Variants in PRIMA1 observed in about 807,000 individuals in gnomAD.
PRIMA1 encodes proline rich membrane anchor 1.
In PRIMA1, 7 loss-of-function variants were observed where a neutral mutation model predicts 17.5. The ratio of observed to expected loss-of-function variants is 0.40; its 90% CI spans 0.23 to 0.75. The LOEUF is 0.75. PRIMA1 is among the 30% of genes least tolerant of loss of function. The pLI, the probability that PRIMA1 is intolerant of heterozygous loss-of-function variation, is 0.37. For missense variants in PRIMA1, 200 were observed against 201.8 expected (o/e 0.99, Z 0.05); for synonymous variants, 97 against 77.9 (o/e 1.25, Z -1.29).
At chr14:93,757,323 C>G (rs1310075067) in intron 3 of PRIMA1, among the ~76,000 whole-genome samples, 1 of 152,192 alleles carries the variant, frequency 6.6e-6, no homozygotes, top group African/African-American at 2.4e-5. Flanking sequence ...CCAGCTCGAG[C>G]TCACACTCCC....
intron 3 of PRIMA1, among the ~76,000 whole-genome samples, chr14:93,770,119 G>A (rs558753327): frequency 5.3e-5 from 8 of 152,210 alleles, no homozygotes; most frequent in East Asian, 1.9e-4. Flanking sequence ...AGACCAGGGC[G>A]TGACACCTCC....
At chr14:93,723,735 A>G (rs1385032111) in intron 4 of PRIMA1, among the ~76,000 whole-genome samples, 3 of 152,082 alleles carry the variant, frequency 2.0e-5, no homozygotes, top group Non-Finnish European at 4.4e-5. Flanking sequence ...GGTCACCTTA[A>G]GAAGCTAGGC....
chr14:93,781,164 A>C (rs1286134790), intron 2 of PRIMA1, among the ~76,000 whole-genome samples: 35 of 152,384 alleles, frequency 2.3e-4, no homozygotes, highest in Non-Finnish European at 1.2e-4. Flanking sequence ...TGTTTTTAAA[A>C]GGCCATTGAC....
chr14:93,759,789 A>G (rs184600518), intron 3 of PRIMA1, among the ~76,000 whole-genome samples: 222 of 152,304 alleles, frequency 1.5e-3, no homozygotes, highest in Non-Finnish European at 2.6e-3. Context: ...CAGCGAGAGC[A>G]AGCAGTGGGG....
chr14:93,771,744 G>A (rs563754514), intron 3 of PRIMA1, among the ~76,000 whole-genome samples: 2 of 152,344 alleles, frequency 1.3e-5, no homozygotes, highest in African/African-American at 4.8e-5. Flanking sequence ...AATCTGAGCT[G>A]AGATCAGCAT....
chr14:93,765,528 ATTCCT>A (rs1287706842), intron 3 of PRIMA1, among the ~76,000 whole-genome samples: 2 of 151,222 alleles, frequency 1.3e-5, no homozygotes, highest in Non-Finnish European at 1.5e-5. Flanking sequence ...TGAACATATT[ATTCCT>A]TTTGACCCTC....
chr14:93,768,809 CTT>C (rs34349782), intron 3 of PRIMA1, among the ~76,000 whole-genome samples: 2 of 138,816 alleles, frequency 1.4e-5, no homozygotes, highest in Admixed American at 7.2e-5. Flanking sequence ...CACTTTTTTT[CTT>C]TTTTTTTTTT....
rs550736505 is a variant in PRIMA1 at position 93,763,004 on chromosome 14, C to T, written c.229+16172G>A. Reference sequence around the variant, plus strand: ...CTTCTCTTCAGATTGCCACCTGACCCGACCCCAGCTTGTTCTGCTGCATGC... The same window carrying T: ...CTTCTCTTCAGATTGCCACCTGACCTGACCCCAGCTTGTTCTGCTGCATGC... On this transcript the variant is annotated intron_variant, in intron 3 of 4. Transcript: ENST00000393140. 1.2e-4 allele frequency among the ~76,000 whole-genome samples: 18 copies of T among 152,290 alleles called. No individual in the cohort carries two copies. The South Asian group carries it at 1.9e-3, about 16-fold the overall frequency.
intron 3 of PRIMA1, among the ~76,000 whole-genome samples, chr14:93,748,636 T>G (rs750030219): frequency 1.3e-5 from 2 of 152,156 alleles, no homozygotes; most frequent in Non-Finnish European, 2.9e-5. Context: ...AGGGGCTCTG[T>G]GCCCTTCCAT....
Position 93,719,812 on chromosome 14 carries a change from T to A in PRIMA1, c.*1632A>T, listed in dbSNP as rs891484928. 6.6e-6 allele frequency: 1 copy of A among 152,142 alleles called. No individual in the cohort carries two copies. The highest frequency in any genetic ancestry group is 2.4e-5 in the African/African-American group (1 of 41,314). The allele number at this position is 152,142 out of a possible 1,614,324, so 9.4% of individuals were successfully genotyped here. A position where few individuals can be genotyped will look rare whatever the true frequency, so the allele number is the denominator to read the frequency against. On this transcript the variant is annotated 3_prime_UTR_variant, in exon 5 of 5. Transcript: ENST00000393140. ...TCTAAACCCCAAACAAGTCCTCAAATAGAAGGAAATGAGGAAAGAAGAAAA... is the reference window on the plus strand; with the variant it reads ...TCTAAACCCCAAACAAGTCCTCAAAAAGAAGGAAATGAGGAAAGAAGAAAA...
rs1387006793 is a variant in PRIMA1 at position 93,787,653 on chromosome 14, C to A, written c.66G>T (p.Ala22=). Reference sequence around the variant, plus strand: ...GCACGAAGCCCCAGAGCGGGTGGAGCGCGCAGTGCAGCAGCAGCGAGGACC... The same window carrying A: ...GCACGAAGCCCCAGAGCGGGTGGAGAGCGCAGTGCAGCAGCAGCGAGGACC... The part of the protein sequence containing the change: ...CCWSSLLLHC[A]LHPLWGFVQV... The change falls in exon 2 of 5, where the codon GCG becomes GCT. Residue 22 remains alanine, a synonymous_variant. Transcript: ENST00000393140. 6.5e-6 allele frequency: 10 copies of A among 1,542,996 alleles called. No individual in the cohort carries two copies. The highest frequency in any genetic ancestry group is 4.1e-5 in the African/African-American group (3 of 73,060).
At chr14:93,765,111 C>T in intron 3 of PRIMA1, among the ~76,000 whole-genome samples, 1 of 152,062 alleles carries the variant, frequency 6.6e-6, no homozygotes, top group African/African-American at 2.4e-5. Flanking sequence ...TCTCAATTAA[C>T]CACTAGTACT....
In PRIMA1 at chr14:93,779,233, G is replaced by GGGA; in HGVS notation, c.171_172insTCC (p.Pro57_Pro58insSer). The GGGA allele has an allele frequency of 8.2e-6, 9 of 1,094,110 alleles. No individual in the cohort carries two copies. Among genetic ancestry groups the GGGA allele is most frequent in the South Asian group, 4.6e-5 (3 of 64,868 alleles). The allele number at this position is 1,094,110 out of a possible 1,614,324, so 67.8% of individuals were successfully genotyped here. A position where few individuals can be genotyped will look rare whatever the true frequency, so the allele number is the denominator to read the frequency against. On this transcript the variant is annotated inframe_insertion, in exon 3 of 5. Transcript: ENST00000393140. ...GGTGGGGGCGGCGGGGGCAGCGGGG[G>GGGA]AGGGGGCCGGCACTGGCAGACGTGT... is the stretch of plus-strand genomic sequence containing the variant.
intron 3 of PRIMA1, among the ~76,000 whole-genome samples, chr14:93,746,352 C>T (rs994955392): frequency 8.6e-5 from 13 of 152,028 alleles, no homozygotes; most frequent in African/African-American, 2.4e-4. Context: ...CTCAGTGTGA[C>T]GCACGGTGGT....
chr14:93,732,777 C>T (rs1463540750), intron 4 of PRIMA1, among the ~76,000 whole-genome samples: 2 of 152,004 alleles, frequency 1.3e-5, no homozygotes, highest in Non-Finnish European at 2.9e-5. Context: ...AAACGGAGGC[C>T]ACAGAGGGAA....
chr14:93,765,266 C>T (rs955567637), intron 3 of PRIMA1, among the ~76,000 whole-genome samples: 1 of 151,888 alleles, frequency 6.6e-6, no homozygotes, highest in Non-Finnish European at 1.5e-5. Flanking sequence ...TCATCATTGT[C>T]ATCCAGCCAT....
chr14:93,785,839 G>T (rs568845923), intron 2 of PRIMA1, among the ~76,000 whole-genome samples: 1 of 151,932 alleles, frequency 6.6e-6, no homozygotes, highest in African/African-American at 2.4e-5. Context: ...TTTGTATTGA[G>T]TGAGAGCATC....
At chr14:93,750,513 T>A (rs1026195769) in intron 3 of PRIMA1, among the ~76,000 whole-genome samples, 12 of 152,214 alleles carry the variant, frequency 7.9e-5, no homozygotes, top group Admixed American at 7.9e-4. Context: ...CTTAGACCAG[T>A]GGTTGACACT....
intron 4 of PRIMA1, among the ~76,000 whole-genome samples, chr14:93,727,294 G>C (rs2141152708): frequency 6.6e-6 from 1 of 152,298 alleles, no homozygotes; most frequent in East Asian, 1.9e-4. Context: ...GCCGGGGGAG[G>C]GGCTTCTCAC....
Sources: gnomAD v4.1 joint callset for allele counts (sites outside exome capture counted in the v4.1 genomes callset) on GRCh38, gnomAD v4.1.1 for gene constraint, MANE v1.5 for transcripts, NCBI Gene and HGNC (gene_info 2026-07-23, HGNC 2026-07-21) for gene names.